Variants in RDH10 observed in about 807,000 individuals in gnomAD.
RDH10 encodes retinol dehydrogenase 10, also known as retinol dehydrogenase 10 (all-trans).
RDH10 carries 12 observed loss-of-function variants against 30.2 expected under a neutral mutation model. The ratio of observed to expected loss-of-function variants is 0.40; its 90% confidence interval spans 0.25 to 0.64. RDH10 has a LOEUF of 0.64. RDH10 is among the 30% of genes least tolerant of loss of function. The pLI is 0.43. For missense variants in RDH10, 268 were observed against 445.2 expected (o/e 0.60, Z 3.58); for synonymous variants, 189 against 172.2 (o/e 1.10, Z -0.76).
chr8:73,295,375 C>A lies in RDH10; in HGVS notation c.86C>A (p.Pro29His). ...GCCGCGGCGCGCTGGCTGGTGCGGC[C>A]CAAGGAGAAGAGCGTGGCGGGCCAG... ...VLAAARWLVRPKEKSVAGQVC... is the reference protein window; with the variant it reads ...VLAAARWLVRHKEKSVAGQVC... Residue 29 changes from proline to histidine, a missense_variant, in exon 1 of 6, where the codon CCC (proline) becomes CAC (histidine). Physicochemically the swap from Pro to His is moderately conservative, Grantham distance 77. Transcript: ENST00000240285. The A allele has an allele frequency of 6.4e-7, 1 of 1,558,434 alleles. No individual in the cohort carries two copies. The highest frequency in any genetic ancestry group is 1.4e-5 in the African/African-American group (1 of 73,428).
intron 2 of RDH10, among the ~76,000 whole-genome samples, chr8:73,318,806 G>A (rs1268794942): frequency 6.6e-6 from 1 of 152,206 alleles, no homozygotes; most frequent in African/African-American, 2.4e-5. Context: ...CACTTGAAAG[G>A]TAATTAAGAA....
chr8:73,299,207 C>G (rs1814334390), intron 2 of RDH10, among the ~76,000 whole-genome samples: 2 of 152,118 alleles, frequency 1.3e-5, no homozygotes, highest in African/African-American at 4.8e-5. Flanking sequence ...AAGGAAATCA[C>G]CAAATACAGT....
intron 3 of RDH10, among the ~76,000 whole-genome samples, chr8:73,319,825 G>A (rs1362417386): frequency 3.3e-5 from 5 of 152,294 alleles, no homozygotes; most frequent in East Asian, 1.9e-4. Flanking sequence ...ATCCTGCATT[G>A]TAAGTTTGTA....
At chr8:73,299,001 G>A (rs1362702058) in intron 2 of RDH10, among the ~76,000 whole-genome samples, 1 of 151,936 alleles carries the variant, frequency 6.6e-6, no homozygotes, top group African/African-American at 2.4e-5. Flanking sequence ...TTTAGTAGAG[G>A]CGGGGTTGCA....
chr8:73,301,864 A>G (rs966911800), intron 2 of RDH10, among the ~76,000 whole-genome samples: 18 of 152,200 alleles, frequency 1.2e-4, no homozygotes, highest in Non-Finnish European at 2.1e-4. Context: ...TTGCTTTCCT[A>G]CATAACTTTC....
At chr8:73,305,825 A>G (rs956478577) in intron 2 of RDH10, among the ~76,000 whole-genome samples, 3 of 152,224 alleles carry the variant, frequency 2.0e-5, no homozygotes, top group Non-Finnish European at 4.4e-5. Flanking sequence ...AAAATCTAAT[A>G]GTCCTTAAGA....
chr8:73,319,037 TG>T, intron 2 of RDH10, 58 bp from the exon 3 acceptor site: 1 of 1,124,782 alleles, frequency 8.9e-7, no homozygotes, highest in Non-Finnish European at 1.3e-6. Context: ...GATCCTGGAC[TG>T]GGTTTTAGAT....
chr8:73,322,221 C>T (rs1814784384), intron 4 of RDH10: 1 of 337,570 alleles, frequency 3.0e-6, no homozygotes, highest in Non-Finnish European at 5.8e-6. Flanking sequence ...TATACCTTAG[C>T]TTTCCCTCTT....
At chr8:73,311,236 A>G (rs943044752) in intron 2 of RDH10, 1 of 152,242 alleles carries the variant, frequency 6.6e-6, no homozygotes, top group African/African-American at 2.4e-5. Flanking sequence ...GAGGTCAAGT[A>G]ACAAAAGGAA....
intron 3 of RDH10, among the ~76,000 whole-genome samples, chr8:73,320,133 A>G (rs1301964783): frequency 6.6e-6 from 1 of 152,258 alleles, no homozygotes; most frequent in Non-Finnish European, 1.5e-5. Flanking sequence ...CGCCTTACAA[A>G]GAAAGTCAAA....
Position 73,322,749 on chromosome 8 carries a change from C to T in RDH10, c.841C>T (p.Leu281Phe), listed in dbSNP as rs1814792457. 6.2e-7 allele frequency: 1 copy of T among 1,613,920 alleles called. No individual in the cohort carries two copies. The highest frequency in any genetic ancestry group is 8.5e-7 in the Non-Finnish European group (1 of 1,179,920). ...YCVKQAMKAI[L>F]TDQPMICTPR... The stretch of plus-strand genomic sequence containing the variant: ...TGTGAAGCAGGCCATGAAGGCCATC[C>T]TCACTGACCAGCCCATGATCTGCAC... The change falls in exon 5 of 6, where the codon CTC (leucine) becomes TTC (phenylalanine). Residue 281 changes from leucine (L) to phenylalanine (F), a missense_variant. By Grantham distance (22) the Leu-to-Phe change is conservative. This residue lies in a region of RDH10 where 136 missense variants were observed against 288.8 expected (regional missense o/e 0.47). Transcript: ENST00000240285.
intron 2 of RDH10, among the ~76,000 whole-genome samples, chr8:73,308,714 A>G (rs1172355049): frequency 6.6e-6 from 1 of 152,172 alleles, no homozygotes; most frequent in East Asian, 1.9e-4. Flanking sequence ...ATGGTCATTC[A>G]TACTAGGGGC....
chr8:73,295,696 C>A (rs1467095501), intron 1 of RDH10, 118 bp downstream of exon 1: 2 of 1,087,130 alleles, frequency 1.8e-6, no homozygotes, highest in South Asian at 1.7e-5. Context: ...AAAGGAACAC[C>A]CCACCGGTCT....
intron 2 of RDH10, among the ~76,000 whole-genome samples, chr8:73,309,736 T>C (rs932020223): frequency 3.9e-5 from 6 of 152,016 alleles, no homozygotes; most frequent in African/African-American, 1.4e-4. Flanking sequence ...CCTTTCCTAA[T>C]GTACATGTTC....
At chr8:73,306,812 AG>A (rs1006455548) in intron 2 of RDH10, among the ~76,000 whole-genome samples, 51 of 152,216 alleles carry the variant, frequency 3.4e-4, no homozygotes, top group Non-Finnish European at 4.7e-4. Context: ...CAAATAGTTT[AG>A]TACTGGAATT....
rs1303819060 is a variant in RDH10 at position 73,294,732 on chromosome 8, G to C, written c.-558G>C. ...GGGCAGCTGCAAGGCGTTGGGCAGC[G>C]CTTGCCTGCGCCGAGCGAGTCTCCC... On this transcript the variant is annotated 5_prime_UTR_variant, in exon 1 of 6. Coordinates refer to ENST00000240285, the MANE Select transcript of RDH10 (RefSeq NM_172037.5). 3 of 367,694 alleles carry C rather than the reference G, an allele frequency of 8.2e-6. No homozygotes were observed. The highest frequency in any genetic ancestry group is 1.5e-5 in the Non-Finnish European group (3 of 206,534). 22.8% of individuals were successfully genotyped at this position (367,694 alleles called of 1,614,324 possible).
rs1814801836 is a variant in RDH10, at chr8:73,323,403, C to T, written c.*367C>T. 1 of 177,496 alleles carries T rather than the reference C, an allele frequency of 5.6e-6. No individual in the cohort carries two copies. The highest frequency in any genetic ancestry group is 2.4e-5 in the African/African-American group (1 of 42,364). The allele number at this position is 177,496 out of a possible 1,614,324, so 11.0% of individuals were successfully genotyped here. A position where few individuals can be genotyped will look rare whatever the true frequency, so the allele number is the denominator to read the frequency against. ...TTTTTCAGAATTCCCAGAGTTTACT[C>T]ATTCTTGTTATTAAACTCTAGCCAG... is the stretch of plus-strand genomic sequence containing the variant. On this transcript the variant is annotated 3_prime_UTR_variant, in exon 6 of 6. Transcript: ENST00000240285.
chr8:73,312,928 A>G (rs957822906), intron 2 of RDH10: 1 of 152,254 alleles, frequency 6.6e-6, no homozygotes, highest in Non-Finnish European at 1.5e-5. Context: ...ACAGTCGTGT[A>G]TGTGCACAAA....
chr8:73,321,171 C>A, intron 4 of RDH10, 94 bp downstream of exon 4: 1 of 1,153,758 alleles, frequency 8.7e-7, no homozygotes, highest in Non-Finnish European at 1.2e-6. Context: ...TTTTAACTAT[C>A]ATTTGACAAT....
Sources: allele counts gnomAD v4.1 joint callset (sites outside exome capture counted in the v4.1 genomes callset), GRCh38; gene constraint gnomAD v4.1.1; regional missense constraint gnomAD v4.1.1; transcripts MANE v1.5; gene names NCBI Gene and HGNC (gene_info 2026-07-23, HGNC 2026-07-21).